The following ABCD4 variants were observed in gnomAD, a reference collection of about 807,000 sequenced individuals.
ABCD4 encodes the protein ATP binding cassette subfamily D member 4.
Under a neutral mutation model 86.3 loss-of-function variants are expected in ABCD4, and 53 were observed. The observed-to-expected ratio is 0.61, with a 90% CI of 0.49 to 0.77. ABCD4 has a LOEUF of 0.77. Among genes scored for constraint, ABCD4 ranks in the 30% least tolerant of loss-of-function variants. The probability of loss-of-function intolerance (pLI) is 0.00; values close to 1 mark genes in which losing one functional copy is unlikely to be tolerated. For synonymous variants in ABCD4, 328 were observed against 313.6 expected (o/e 1.05, Z -0.49); for missense variants, 757 against 764.5 (o/e 0.99, Z 0.12).
chr14:74,296,318 G>A lies in ABCD4; in HGVS notation c.542+15C>T. 1 of 1,610,554 alleles carries A rather than the reference G, an allele frequency of 6.2e-7. No homozygotes were observed. The highest frequency in any genetic ancestry group is 8.5e-7 in the Non-Finnish European group (1 of 1,176,774). On this transcript the variant is annotated intron_variant, in intron 5 of 18. Transcript: ENST00000356924. The stretch of plus-strand genomic sequence containing the variant: ...CTCTGGGGAAACACCAGGCTGGGGA[G>A]GAGGGAGGCTTCACCTTTGGAAGCA...
At chr14:74,299,428 A>G in intron 3 of ABCD4, 120 bp downstream of exon 3, 1 of 1,294,256 alleles carries the variant, frequency 7.7e-7, no homozygotes, top group East Asian at 2.4e-5. Context: ...GTTCCCAGAA[A>G]AGGGAGGAAA....
Position 74,292,651 on chromosome 14 carries a change from G to T in ABCD4, c.937-9C>A. 2 of 1,614,060 alleles carry T rather than the reference G, an allele frequency of 1.2e-6. No homozygotes were observed. The highest frequency in any genetic ancestry group is 1.7e-6 in the Non-Finnish European group (2 of 1,179,992). On this transcript the variant is annotated splice_polypyrimidine_tract_variant and intron_variant, in intron 9 of 18. Coordinates refer to ENST00000356924, the MANE Select transcript of ABCD4 (RefSeq NM_005050.4). ...ATGCACACAAAGGCATTCTGGACAG[G>T]ATGGGAAGAGGTCAAGCAGGTCTCG...
At position 74,296,415 on chromosome 14, in the gene ABCD4, A is replaced by C; in HGVS notation, c.460T>G (p.Cys154Gly). The change falls in exon 5 of 19, where the codon TGC becomes GGC. Residue 154 changes from cysteine (C) to glycine (G), a missense_variant. Transcript: ENST00000356924. ...QRISQDVERF[C>G]RQLSSMASKL... The stretch of plus-strand genomic sequence containing the variant: ...CTGGCCATGCTGCTGAGCTGCCGGC[A>C]GAATCGCTCCACGTCCTGGCTGATG... 1.2e-6 allele frequency: 2 copies of C among 1,614,170 alleles called. No homozygotes were observed. The highest frequency in any genetic ancestry group is 1.7e-6 in the Non-Finnish European group (2 of 1,180,040).
intron 1 of ABCD4, 46 bp downstream of exon 1, chr14:74,302,829 C>T: frequency 1.3e-6 from 2 of 1,594,268 alleles, no homozygotes; most frequent in Non-Finnish European, 1.7e-6. Flanking sequence ...TTCCCTACAG[C>T]CCGGAACTCC....
rs774038144 is a variant in ABCD4 at position 74,299,623 on chromosome 14, G to A, written c.210C>T (p.Val70=). The A allele has an allele frequency of 2.5e-6, 4 of 1,613,716 alleles. No homozygotes were observed. The African/African-American group carries it at 5.3e-5, about 22-fold the overall frequency. ...VGLIPSQYYG[V]LGNKDLEGFK... ...ACCCTTCCAAGTCTTTGTTTCCCAG[G>A]ACCCCATAGTACTGACTGGGGATCA... is the stretch of plus-strand genomic sequence containing the variant. Residue 70 remains valine, a synonymous_variant, in exon 3 of 19, where the codon GTC becomes GTT. Transcript: ENST00000356924.
Position 74,290,277 on chromosome 14 carries a change from G to A in ABCD4, c.1327+14C>T. 3 of 1,614,030 alleles carry A rather than the reference G, an allele frequency of 1.9e-6. No homozygotes were observed. Among genetic ancestry groups the A allele is most frequent in the Non-Finnish European group, 1.7e-6 (2 of 1,179,924 alleles). ...CCCAGGCTGGGTCAGAGGCAGGGAG[G>A]GCCTGGCTCTCACCCCGTGTACTCG... On this transcript the variant is annotated intron_variant, in intron 12 of 18. Transcript: ENST00000356924.
In ABCD4 at chr14:74,292,310, G is replaced by T; in HGVS notation, c.1095C>A (p.Gly365=). 6.2e-7 allele frequency: 1 copy of T among 1,613,994 alleles called. No homozygotes were observed. The highest frequency in any genetic ancestry group is 8.5e-7 in the Non-Finnish European group (1 of 1,180,024). Residue 365 remains glycine, a synonymous_variant, in exon 11 of 19, where the codon GGC becomes GGA. Transcript: ENST00000356924. ...ACGTGTCCAAGCCCCACTCGCTCTC[G>T]CCCAGGATCTCGCAGTCCTGTGACT... ...SLKSQDCEIL[G]ESEWGLDTPP...
chr14:74,301,042 C>T (rs1407528736), intron 1 of ABCD4, among the ~76,000 whole-genome samples: 5 of 151,794 alleles, frequency 3.3e-5, no homozygotes, highest in East Asian at 1.9e-4. Context: ...TAGTAGGAGA[C>T]GGGGTTTCAT....
At chr14:74,290,158 G>A in intron 12 of ABCD4, 40 bp from the exon 13 acceptor site, 1 of 1,613,086 alleles carries the variant, frequency 6.2e-7, no homozygotes, top group Non-Finnish European at 8.5e-7. Context: ...AGATCTCCCA[G>A]AAGAGGCAAC....
In ABCD4 at chr14:74,295,974, C is replaced by A. The variant is rs749777285; in HGVS notation, c.548G>T (p.Gly183Val). 1 of 1,605,352 alleles carries A rather than the reference C, an allele frequency of 6.2e-7. No homozygotes were observed. The highest frequency in any genetic ancestry group is 8.5e-7 in the Non-Finnish European group (1 of 1,177,628). The change falls in exon 6 of 19, where the codon GGC becomes GTC. Residue 183 changes from glycine to valine, a missense_variant. Coordinates refer to ENST00000356924, the MANE Select transcript of ABCD4 (RefSeq NM_005050.4). Reference protein sequence around the residue: ...YYTYQCFQSTGWLGPVSIFGY... With the variant: ...YYTYQCFQSTVWLGPVSIFGY... ...GAAGATGCTCACAGGCCCGAGCCAG[C>A]CTGTGCTGAAATAGAGAGAGAGGGA...
Position 74,298,082 on chromosome 14 carries a change from G to A in ABCD4, c.286-13C>T. 6.2e-7 allele frequency: 1 copy of A among 1,612,028 alleles called. No individual in the cohort carries two copies. The highest frequency in any genetic ancestry group is 8.5e-7 in the Non-Finnish European group (1 of 1,179,462). On this transcript the variant is annotated splice_polypyrimidine_tract_variant and intron_variant, in intron 3 of 18. Transcript: ENST00000356924. ...CAAAGCTCTTCAGCTGTGCAGTGGGGGAAGCAAGGGGAAGGGAGAGATGGC... is the reference window on the plus strand; with the variant it reads ...CAAAGCTCTTCAGCTGTGCAGTGGGAGAAGCAAGGGGAAGGGAGAGATGGC...
intron 8 of ABCD4, 112 bp downstream of exon 8, chr14:74,293,042 A>G: frequency 6.9e-6 from 10 of 1,447,672 alleles, no homozygotes; most frequent in Non-Finnish European, 9.5e-6. Context: ...TCCCCGGTTA[A>G]TTCCTTCATC....
intron 13 of ABCD4, 126 bp downstream of exon 13, chr14:74,289,901 G>C (rs545042627): frequency 6.5e-7 from 1 of 1,535,342 alleles, no homozygotes; most frequent in Non-Finnish European, 8.7e-7. Flanking sequence ...TCCCAGGCCC[G>C]GGCCACTTCA....
chr14:74,286,708 AG>A lies in ABCD4; in HGVS notation c.1744del (p.Glu583ArgfsTer8), dbSNP rs1451620946. 6.2e-7 allele frequency: 1 copy of A among 1,614,040 alleles called. No individual in the cohort carries two copies. Among genetic ancestry groups the A allele is most frequent in the Non-Finnish European group, 8.5e-7 (1 of 1,180,020 alleles). The stretch of plus-strand genomic sequence containing the variant: ...CCTTGTGAGCACGGGTACCTTCTCA[AG>A]GCTCTGCCGATGTCCCACACTGATG... Reference protein sequence around the residue: ...TFISVGHRQSLEKFHSLVLKL... With the variant: ...TFISVGHRQSXEKFHSLVLKL... On this transcript the variant is annotated frameshift_variant, in exon 18 of 19. Transcript: ENST00000356924. LOFTEE classifies it high-confidence loss of function.
At position 74,288,250 on chromosome 14, in the gene ABCD4, C is replaced by A. The variant is rs983311973; in HGVS notation, c.1516G>T (p.Val506Leu). Reference sequence around the variant, plus strand: ...TGGTCCAGGCCCTCTGTCCTTGCCACCAAGTTGGACTGTAACAGACCCAGA... The same window carrying A: ...TGGTCCAGGCCCTCTGTCCTTGCCAACAAGTTGGACTGTAACAGACCCAGA... Reference protein sequence around the residue: ...FLELAGLSNLVARTEGLDQQV... With the variant: ...FLELAGLSNLLARTEGLDQQV... The change falls in exon 16 of 19, where the codon GTG becomes TTG. Residue 506 changes from valine (V) to leucine (L), a missense_variant. Transcript: ENST00000356924. 9 of 1,608,266 alleles carry A rather than the reference C, an allele frequency of 5.6e-6. No individual in the cohort carries two copies. The highest frequency in any genetic ancestry group is 6.8e-6 in the Non-Finnish European group (8 of 1,177,486).
intron 3 of ABCD4, 48 bp downstream of exon 3, chr14:74,299,500 C>T (rs1482211958): frequency 5.6e-6 from 9 of 1,606,268 alleles, no homozygotes; most frequent in African/African-American, 2.7e-5. Context: ...ATTACGGTCA[C>T]ACTGGACTGG....
In ABCD4 at chr14:74,292,865, G is replaced by A; in HGVS notation, c.819C>T (p.Gly273=). ...TGCCCAGATAGTCAAAGGTGTTGAT[G>A]CCGACTGTAGAAAACACATCTGTGA... The part of the protein sequence containing the change: ...LMSKELWLYI[G]INTFDYLGSI... Residue 273 remains glycine, a synonymous_variant, in exon 9 of 19, where the codon GGC becomes GGT. Coordinates refer to ENST00000356924, the MANE Select transcript of ABCD4 (RefSeq NM_005050.4). 1 of 1,614,138 alleles carries A rather than the reference G, an allele frequency of 6.2e-7. No individual in the cohort carries two copies. The highest frequency in any genetic ancestry group is 2.2e-5 in the East Asian group (1 of 44,888).
rs147644337 is a variant in ABCD4 at position 74,294,822 on chromosome 14, A to G, written c.719+326T>C. On this transcript the variant is annotated intron_variant, in intron 7 of 18. Transcript: ENST00000356924. ...TCAGGCACTGGCAAGAAAGCTTCTT[A>G]ACAGACAGAAGAGCAGAGGCAGACG... is the stretch of plus-strand genomic sequence containing the variant. 1,371 of 344,142 alleles carry G rather than the reference A, an allele frequency of 4.0e-3. 14 individuals are homozygous for G. Among genetic ancestry groups the G allele is most frequent in the African/African-American group, 0.026 (1,257 of 47,846 alleles). 21.3% of individuals were successfully genotyped at this position (344,142 alleles called of 1,614,324 possible).
At chr14:74,293,484 C>T (rs1204139628) in intron 7 of ABCD4, 1 of 419,334 alleles carries the variant, frequency 2.4e-6, no homozygotes, top group African/African-American at 2.0e-5. Context: ...CTGGCTCTGG[C>T]CAGTTACTAG....
Sources: allele counts gnomAD v4.1 joint callset (sites outside exome capture counted in the v4.1 genomes callset), GRCh38; gene constraint gnomAD v4.1.1; transcripts MANE v1.5; gene names NCBI Gene and HGNC (gene_info 2026-07-23, HGNC 2026-07-21).